The following NAA16 variants were observed in gnomAD, a reference collection of about 807,000 sequenced individuals.
NAA16 encodes NARG1-like protein.
Under a neutral mutation model 110.3 loss-of-function variants are expected in NAA16, and 97 were observed. That is an observed-to-expected ratio of 0.88 (90% confidence interval 0.75 to 1.04). The LOEUF is 1.04. Among genes scored for constraint, NAA16 ranks in the 50% least tolerant of loss-of-function variants. NAA16 has a pLI of 0.00. For synonymous variants in NAA16, 372 were observed against 330.6 expected (o/e 1.13, Z -1.36); for missense variants, 1,017 against 1,005.1 (o/e 1.01, Z -0.16).
At position 41,311,428 on chromosome 13, in the gene NAA16, C is replaced by T. The variant is rs1593372895; in HGVS notation, c.-101C>T. 8.6e-7 allele frequency: 1 copy of T among 1,164,850 alleles called. No individual in the cohort carries two copies. Among genetic ancestry groups the T allele is most frequent in the East Asian group, 2.6e-5 (1 of 38,720 alleles). 72.2% of individuals were successfully genotyped at this position (1,164,850 alleles called of 1,614,324 possible). A position where few individuals can be genotyped will look rare whatever the true frequency, so the allele number is the denominator to read the frequency against. ...AATGAACTAATCCATCGCCCGCAGCCCGACTCTCAGCAGCGGTTCGTCCCG... is the reference window on the plus strand; with the variant it reads ...AATGAACTAATCCATCGCCCGCAGCTCGACTCTCAGCAGCGGTTCGTCCCG... On this transcript the variant is annotated 5_prime_UTR_variant, in exon 1 of 20. Transcript: ENST00000379406.
At chr13:41,331,228 TAA>T in intron 7 of NAA16, 44 bp from the exon 8 acceptor site, 1 of 1,169,812 alleles carries the variant, frequency 8.5e-7, no homozygotes, top group Non-Finnish European at 1.2e-6. Context: ...TTACCATAGA[TAA>T]AAGTTTTGAT....
In NAA16 at chr13:41,343,043, A is replaced by G. The variant is rs567398521; in HGVS notation, c.1014+6287A>G. ...AAAATGGGAGGGAAGCCCAAACAAA[A>G]TCCAATTATAAACTGCCACATGACT... On this transcript the variant is annotated intron_variant, in intron 9 of 19. Transcript: ENST00000379406. Among the ~76,000 whole-genome samples, 46 of 152,356 alleles carry G rather than the reference A, an allele frequency of 3.0e-4. 1 individual carries two copies. The South Asian group carries it at 7.2e-3, about 24-fold the overall frequency.
At chr13:41,354,515 C>T (rs939437135) in intron 9 of NAA16, 2 of 152,106 alleles carry the variant, frequency 1.3e-5, no homozygotes, top group Admixed American at 6.6e-5. Context: ...ATAAAGATGT[C>T]AAAGCCCCAG....
intron 13 of NAA16, 97 bp downstream of exon 13, chr13:41,362,256 G>A: frequency 7.5e-7 from 1 of 1,340,300 alleles, no homozygotes; most frequent in Non-Finnish European, 1.0e-6. Context: ...AACTTCTCTG[G>A]GAGCTTCATT....
At chr13:41,322,276 G>A (rs182404313) in intron 4 of NAA16, among the ~76,000 whole-genome samples, 27 of 152,246 alleles carry the variant, frequency 1.8e-4, no homozygotes, top group Admixed American at 1.6e-3. Flanking sequence ...ACAGACACTG[G>A]TGGTCAAAGA....
chr13:41,368,153 T>A (rs1246076805), intron 14 of NAA16, among the ~76,000 whole-genome samples: 1 of 152,182 alleles, frequency 6.6e-6, no homozygotes, highest in Non-Finnish European at 1.5e-5. Context: ...AAAAAATATA[T>A]AATCTTAAAA....
chr13:41,357,557 A>G (rs1174073232), intron 10 of NAA16, among the ~76,000 whole-genome samples: 1 of 152,174 alleles, frequency 6.6e-6, no homozygotes. Context: ...TTGATCAGCT[A>G]TGCTAGGAAA....
Position 41,311,497 on chromosome 13 carries a change from C to A in NAA16, c.-32C>A. The A allele has an allele frequency of 6.3e-7, 1 of 1,576,410 alleles. No homozygotes were observed. The highest frequency in any genetic ancestry group is 8.6e-7 in the Non-Finnish European group (1 of 1,161,786). On this transcript the variant is annotated 5_prime_UTR_variant, in exon 1 of 20. In the 5' UTR this introduces an upstream ATG that the reference lacks. Coordinates refer to ENST00000379406, the MANE Select transcript of NAA16 (RefSeq NM_024561.5). ...CGGAGCGCCCGGGCACCTAGCCTCC[C>A]TGCCGGCCACCTAGCCTCCCTGCCG...
At position 41,371,576 on chromosome 13, in the gene NAA16, C is replaced by T. The variant is rs116211910; in HGVS notation, c.1948-627C>T. On this transcript the variant is annotated intron_variant, in intron 15 of 19. Coordinates refer to ENST00000379406, the MANE Select transcript of NAA16 (RefSeq NM_024561.5). ...TGAGTAGCAAATATATTTTCTCTTC[C>T]TTATGACTTTCTTAGTATTTTATTT... is the stretch of plus-strand genomic sequence containing the variant. Among the ~76,000 whole-genome samples the T allele has an allele frequency of 7.6e-3, 1,152 of 152,146 alleles. 16 individuals carry two copies. The highest frequency in any genetic ancestry group is 0.026 in the African/African-American group (1,099 of 41,494).
At chr13:41,361,809 C>G in intron 12 of NAA16, among the ~76,000 whole-genome samples, 1 of 152,290 alleles carries the variant, frequency 6.6e-6, no homozygotes, top group South Asian at 2.1e-4. Flanking sequence ...CCTTTAATAT[C>G]TTTAGACCAT....
At chr13:41,320,623 A>C in intron 3 of NAA16, 44 bp from the exon 4 acceptor site, 1 of 1,501,860 alleles carries the variant, frequency 6.7e-7, no homozygotes. Context: ...GTATCATAGA[A>C]TATTCTAGTG....
chr13:41,315,709 TC>T (rs1314752886), intron 1 of NAA16, among the ~76,000 whole-genome samples: 1 of 152,200 alleles, frequency 6.6e-6, no homozygotes, highest in East Asian at 1.9e-4. Flanking sequence ...TTGGTTTCAT[TC>T]TTGCGGTAGC....
Position 41,358,749 on chromosome 13 carries a change from A to G in NAA16, c.1258-61A>G, listed in dbSNP as rs2043048076. On this transcript the variant is annotated intron_variant, in intron 11 of 19. Coordinates refer to ENST00000379406, the MANE Select transcript of NAA16 (RefSeq NM_024561.5). ...TTTTTGTCTGTGTAAATTATTTTCC[A>G]TTTTATTGTACTCATATTCTCTTGA... The G allele has an allele frequency of 2.7e-6, 4 of 1,508,884 alleles. No homozygotes were observed. In the South Asian group the frequency reaches 4.1e-5, roughly 16 times the overall value. 93.5% of individuals were successfully genotyped at this position (1,508,884 alleles called of 1,614,324 possible).
intron 2 of NAA16, among the ~76,000 whole-genome samples, chr13:41,317,338 TG>T (rs71736517): frequency 0.025 from 3,844 of 152,196 alleles, 157 homozygotes; most frequent in African/African-American, 0.086. Context: ...TGTTTTGTTT[TG>T]TTTTTTTTTA....
At chr13:41,358,145 T>C (rs1036495749) in intron 10 of NAA16, among the ~76,000 whole-genome samples, 159 bp from the exon 11 acceptor site, 2 of 152,262 alleles carry the variant, frequency 1.3e-5, no homozygotes, top group African/African-American at 4.8e-5. Context: ...TTTTGAACTT[T>C]ATGAAGTCAT....
At position 41,358,474 on chromosome 13, in the gene NAA16, G is replaced by A; in HGVS notation, c.1257+1G>A. Reference sequence around the variant, plus strand: ...CTATATGAAAGCAAAAATTTACAAGGTAAAATCTGAATCCTGTTTTTTGAG... The same window carrying A: ...CTATATGAAAGCAAAAATTTACAAGATAAAATCTGAATCCTGTTTTTTGAG... On this transcript the variant is annotated splice_donor_variant, in intron 11 of 19. Coordinates refer to ENST00000379406, the MANE Select transcript of NAA16 (RefSeq NM_024561.5). LOFTEE classifies it high-confidence loss of function. 1 of 1,612,824 alleles carries A rather than the reference G, an allele frequency of 6.2e-7. No individual in the cohort carries two copies. Among genetic ancestry groups the A allele is most frequent in the Non-Finnish European group, 8.5e-7 (1 of 1,179,084 alleles).
At chr13:41,374,141 C>CT (rs200465136) in intron 18 of NAA16, among the ~76,000 whole-genome samples, 157 of 140,868 alleles carry the variant, frequency 1.1e-3, no homozygotes, top group Admixed American at 2.0e-3. Flanking sequence ...AATTATTTTT[C>CT]TTTTTTTTTT....
chr13:41,358,748 C>T, intron 11 of NAA16, 62 bp from the exon 12 acceptor site: 2 of 1,501,992 alleles, frequency 1.3e-6, no homozygotes, highest in Non-Finnish European at 1.8e-6. Flanking sequence ...AATTATTTTC[C>T]ATTTTATTGT....
Position 41,358,332 on chromosome 13 carries a change from A to T in NAA16, c.1116A>T (p.Thr372=), listed in dbSNP as rs751962741. 1.4e-5 allele frequency: 23 copies of T among 1,613,804 alleles called. No individual in the cohort carries two copies. The highest frequency in any genetic ancestry group is 1.8e-5 in the Non-Finnish European group (21 of 1,179,868). The part of the protein sequence containing the change: ...YENGEKEPPT[T]LLWVQYFLAQ... ...ATGGGGAGAAGGAACCCCCGACAACACTACTCTGGGTTCAGTATTTCCTGG... is the reference window on the plus strand; with the variant it reads ...ATGGGGAGAAGGAACCCCCGACAACTCTACTCTGGGTTCAGTATTTCCTGG... Residue 372 remains threonine, a synonymous_variant, in exon 11 of 20, where the codon ACA becomes ACT. Coordinates refer to ENST00000379406, the MANE Select transcript of NAA16 (RefSeq NM_024561.5).
Sources: allele counts gnomAD v4.1 joint callset (sites outside exome capture counted in the v4.1 genomes callset), GRCh38; gene constraint gnomAD v4.1.1; transcripts MANE v1.5; gene names NCBI Gene and HGNC (gene_info 2026-07-23, HGNC 2026-07-21).